EPHB1: variants seen among roughly 807,000 people sequenced by gnomAD.
EPHB1 encodes ephrin type-B receptor 1.
A neutral mutation model predicts 94.4 loss-of-function variants in EPHB1; 30 were observed. The observed-to-expected ratio is 0.32, with a 90% confidence interval of 0.24 to 0.43. The LOEUF (loss-of-function observed/expected upper bound fraction) is 0.43, where lower values mean the gene tolerates loss of function less well. EPHB1 is among the 20% of genes least tolerant of loss of function. The probability of loss-of-function intolerance (pLI) is 1.00; values close to 1 mark genes in which losing one functional copy is unlikely to be tolerated. For missense variants in EPHB1, 1,055 were observed against 1,308.3 expected, an observed-to-expected ratio of 0.81 and a Z score of 2.99; for synonymous variants, 522 against 489.1, an observed-to-expected ratio of 1.07 and a Z score of -0.89.
At chr3:135,098,498 C>A (rs1938895306) in intron 3 of EPHB1, among the ~76,000 whole-genome samples, 1 of 152,172 alleles carries the variant, frequency 6.6e-6, no homozygotes, top group African/African-American at 2.4e-5. Flanking sequence ...AATACCTTAT[C>A]ATCAGACTTT....
chr3:134,853,388 T>C (rs1250140611), intron 1 of EPHB1, among the ~76,000 whole-genome samples: 2 of 152,072 alleles, frequency 1.3e-5, no homozygotes, highest in Non-Finnish European at 2.9e-5. Context: ...GAGCTGGAAA[T>C]GGAGAGAAGT....
At position 134,911,411 on chromosome 3, in the gene EPHB1, C is replaced by G. The variant is rs530167120; in HGVS notation, c.59-14405C>G. On this transcript the variant is annotated intron_variant, in intron 1 of 15. Transcript: ENST00000398015. ...AGGCTGGGCAGTTAGGCAAACTTCCCAGAGGGGCCGAGAGGGATGATGGTG... is the reference window on the plus strand; with the variant it reads ...AGGCTGGGCAGTTAGGCAAACTTCCGAGAGGGGCCGAGAGGGATGATGGTG... 1.2e-4 allele frequency among the ~76,000 whole-genome samples: 18 copies of G among 152,234 alleles called. No individual in the cohort carries two copies. The East Asian group carries it at 3.3e-3, about 28-fold the overall frequency.
intron 3 of EPHB1, among the ~76,000 whole-genome samples, chr3:134,989,954 C>T (rs1238508801): frequency 6.6e-6 from 1 of 152,034 alleles, no homozygotes; most frequent in Admixed American, 6.6e-5. Context: ...TCACCTTTCC[C>T]CACCTCCCAA....
At chr3:135,177,968 A>G (rs952774451) in intron 9 of EPHB1, among the ~76,000 whole-genome samples, 1 of 152,220 alleles carries the variant, frequency 6.6e-6, no homozygotes, top group Admixed American at 6.5e-5. Context: ...AATATTCTAC[A>G]TAAAGGTGAG....
intron 1 of EPHB1, among the ~76,000 whole-genome samples, chr3:134,855,906 T>C (rs1163689231): frequency 6.6e-6 from 1 of 152,184 alleles, no homozygotes; most frequent in African/African-American, 2.4e-5. Context: ...GGCAATATTA[T>C]ACCCATTTTA....
chr3:135,220,199 AG>A (rs1943243846), intron 12 of EPHB1, among the ~76,000 whole-genome samples: 1 of 152,194 alleles, frequency 6.6e-6, no homozygotes, highest in African/African-American at 2.4e-5. Context: ...AGTCAAAGCA[AG>A]GGGGAAAGAG....
chr3:135,141,145 CTTTTTTTTTTT>C (rs59743607), intron 5 of EPHB1, among the ~76,000 whole-genome samples: 1 of 131,302 alleles, frequency 7.6e-6, no homozygotes, highest in Admixed American at 7.7e-5. Context: ...CTTTCCTTTC[CTTTTTTTTTTT>C]TTTTTTTTCT....
At chr3:135,133,835 T>C (rs1940516051) in intron 5 of EPHB1, among the ~76,000 whole-genome samples, 2 of 152,238 alleles carry the variant, frequency 1.3e-5, no homozygotes, top group South Asian at 4.1e-4. Flanking sequence ...TTTATATCAA[T>C]TTAACGAGTC....
At chr3:135,090,853 C>G (rs985425383) in intron 3 of EPHB1, among the ~76,000 whole-genome samples, 6 of 152,208 alleles carry the variant, frequency 3.9e-5, no homozygotes, top group African/African-American at 1.4e-4. Flanking sequence ...CTTTTGCTTA[C>G]TTGTCCCACT....
rs1259824217 is a variant in EPHB1 at position 134,922,010 on chromosome 3, C to A, written c.59-3806C>A. Reference sequence around the variant, plus strand: ...GCACTCTCTCCACCATGCGTGTGCCCTTCCCGGCGATCTCCCCTTGGGCAC... The same window carrying A: ...GCACTCTCTCCACCATGCGTGTGCCATTCCCGGCGATCTCCCCTTGGGCAC... On this transcript the variant is annotated intron_variant, in intron 1 of 15. Transcript: ENST00000398015. Among the ~76,000 whole-genome samples, 4 of 152,316 alleles carry A rather than the reference C, an allele frequency of 2.6e-5. No homozygotes were observed. The East Asian group carries it at 7.7e-4, about 29-fold the overall frequency.
intron 1 of EPHB1, among the ~76,000 whole-genome samples, chr3:134,891,258 C>T (rs58982603): frequency 0.023 from 3,506 of 152,222 alleles, 45 homozygotes; most frequent in African/African-American, 0.03. Flanking sequence ...TATAGGCATG[C>T]GCCACCATGC....
At chr3:134,885,328 A>G (rs1382868680) in intron 1 of EPHB1, among the ~76,000 whole-genome samples, 1 of 152,264 alleles carries the variant, frequency 6.6e-6, no homozygotes, top group African/African-American at 2.4e-5. Flanking sequence ...TTAAACAACG[A>G]CAACAAAATA....
intron 3 of EPHB1, among the ~76,000 whole-genome samples, chr3:135,104,266 T>C (rs774033031): frequency 1.3e-5 from 2 of 152,020 alleles, no homozygotes; most frequent in Non-Finnish European, 2.9e-5. Context: ...AGGAGAGATA[T>C]GGAAAGAAGA....
intron 12 of EPHB1, among the ~76,000 whole-genome samples, chr3:135,229,137 C>T (rs1943471334): frequency 6.6e-6 from 1 of 152,212 alleles, no homozygotes. Flanking sequence ...TCCCTCACCA[C>T]CACCAGAGGA....
chr3:134,911,994 A>G (rs999825946), intron 1 of EPHB1, among the ~76,000 whole-genome samples: 1 of 152,158 alleles, frequency 6.6e-6, no homozygotes, highest in African/African-American at 2.4e-5. Context: ...ATCAATCAGG[A>G]CTGAGGGCCC....
intron 1 of EPHB1, among the ~76,000 whole-genome samples, chr3:134,809,495 A>G (rs746636328): frequency 2.0e-5 from 3 of 152,128 alleles, no homozygotes; most frequent in African/African-American, 7.2e-5. Context: ...TGTTCAGAGC[A>G]TCTCCTCCTC....
intron 1 of EPHB1, among the ~76,000 whole-genome samples, chr3:134,872,184 G>A (rs930723429): frequency 2.6e-5 from 4 of 152,204 alleles, no homozygotes; most frequent in African/African-American, 9.6e-5. Context: ...AAATTGACAA[G>A]GGATGCCTGT....
At chr3:135,069,843 G>T (rs923413387) in intron 3 of EPHB1, among the ~76,000 whole-genome samples, 1 of 151,950 alleles carries the variant, frequency 6.6e-6, no homozygotes, top group African/African-American at 2.4e-5. Flanking sequence ...AAGCTAGAAT[G>T]GTTTGATTAT....
chr3:135,024,100 C>T (rs1936061984), intron 3 of EPHB1, among the ~76,000 whole-genome samples: 1 of 152,124 alleles, frequency 6.6e-6, no homozygotes, highest in African/African-American at 2.4e-5. Context: ...GTTCAGGCCA[C>T]ACGTGGTAAT....
Sources: gnomAD v4.1 joint callset for allele counts (sites outside exome capture counted in the v4.1 genomes callset) on GRCh38, gnomAD v4.1.1 for gene constraint, MANE v1.5 for transcripts, NCBI Gene and HGNC (gene_info 2026-07-23, HGNC 2026-07-21) for gene names.